The following ZNF276 variants were observed in gnomAD, a reference collection of about 807,000 sequenced individuals.
ZNF276 encodes the protein centromere protein Z.
Under a neutral mutation model 63.9 loss-of-function variants are expected in ZNF276, and 59 were observed. The ratio of observed to expected loss-of-function variants is 0.92; its 90% confidence interval spans 0.75 to 1.15. The LOEUF (loss-of-function observed/expected upper bound fraction) is 1.15. Among genes scored for constraint, ZNF276 ranks in the 50% most tolerant of loss-of-function variants. ZNF276 has a pLI of 0.00. For synonymous variants in ZNF276, 496 were observed against 348.4 expected, an observed-to-expected ratio of 1.42 and a Z score of -4.72; for missense variants, 1,084 against 843.8, an observed-to-expected ratio of 1.28 and a Z score of -3.53.
In ZNF276 at chr16:89,723,601, A is replaced by G. The variant is rs774893266; in HGVS notation, c.898A>G (p.Lys300Glu). Residue 300 changes from lysine (K) to glutamate (E), a missense_variant, in exon 4 of 11, where the codon AAG (lysine) becomes GAG (glutamate). Physicochemically the swap from Lys to Glu is moderately conservative, Grantham distance 56. Transcript: ENST00000443381. ...GTGTPVGAET[K>E]TLPSTDVAQP... ...AGGGACCCCAGTTGGGGCTGAGACC[A>G]AGACCCTGCCCAGCACGGATGTGGC... 4.3e-6 allele frequency: 7 copies of G among 1,612,676 alleles called. No homozygotes were observed.
chr16:89,731,491 G>T (rs2061649430), intron 6 of ZNF276: 1 of 152,290 alleles, frequency 6.6e-6, no homozygotes, highest in African/African-American at 2.4e-5. Flanking sequence ...CTGACCTCAT[G>T]ATCCGCCCGC....
chr16:89,728,532 C>T (rs566532994), intron 5 of ZNF276, among the ~76,000 whole-genome samples: 5 of 152,210 alleles, frequency 3.3e-5, no homozygotes, highest in East Asian at 1.9e-4. Context: ...GCCTCTGAGT[C>T]GCTGGGACTA....
At position 89,739,863 on chromosome 16, in the gene ZNF276, G is replaced by C. The variant is rs1434504143; in HGVS notation, c.*1617G>C. 2 of 1,539,644 alleles carry C rather than the reference G, an allele frequency of 1.3e-6. No individual in the cohort carries two copies. The highest frequency in any genetic ancestry group is 1.7e-6 in the Non-Finnish European group (2 of 1,145,750). ...CTTTAAACAAGTTTGTGCTTAATCT[G>C]TCCCAACTAAAATGGAGCTTATAAA... On this transcript the variant is annotated 3_prime_UTR_variant, in exon 11 of 11. Transcript: ENST00000443381.
rs201773237 is a variant in ZNF276 at position 89,724,856 on chromosome 16, GTCTC to G, written c.1006+1153_1006+1156del. Among the ~76,000 whole-genome samples the G allele has an allele frequency of 8.7e-3, 1,322 of 152,144 alleles. 23 individuals carry two copies. Among genetic ancestry groups the G allele is most frequent in the African/African-American group, 0.028 (1,158 of 41,500 alleles). ...TACCTATCTATCTTCCTACTTCTTT[GTCTC>G]TCTCTATCTACCTACCTATCTGTAT... On this transcript the variant is annotated intron_variant, in intron 4 of 10. Coordinates refer to ENST00000443381, the MANE Select transcript of ZNF276 (RefSeq NM_001113525.2).
chr16:89,726,830 G>C (rs756329104), intron 4 of ZNF276, among the ~76,000 whole-genome samples: 1 of 151,462 alleles, frequency 6.6e-6, no homozygotes, highest in Non-Finnish European at 1.5e-5. Context: ...ATTTTTAATA[G>C]AGATGGGGTT....
At chr16:89,724,867 TCTAC>T (rs1306272377) in intron 4 of ZNF276, among the ~76,000 whole-genome samples, 16 of 152,198 alleles carry the variant, frequency 1.1e-4, no homozygotes, top group East Asian at 1.9e-4. Context: ...TCTCTCTCTA[TCTAC>T]CTACCTATCT....
intron 10 of ZNF276, 21 bp downstream of exon 10, chr16:89,737,926 CCT>C (rs201727980): frequency 1.3e-5 from 21 of 1,571,132 alleles, no homozygotes; most frequent in African/African-American, 6.9e-5. Context: ...GTCAGGACCC[CCT>C]CCCAGGGCTG....
At chr16:89,721,534 C>G (rs909327962), upstream of ZNF276, 24 of 1,191,104 alleles carry the variant, frequency 2.0e-5, no homozygotes, top group African/African-American at 3.5e-4. Context: ...CCGCCCCTCC[C>G]CCGCCCCGCC....
rs754732247 is a variant in ZNF276, at chr16:89,738,599, C to T, written c.*353C>T. On this transcript the variant is annotated 3_prime_UTR_variant, in exon 11 of 11. Transcript: ENST00000443381. ...TGGGCTGGTGTGCAGTGGCAGGTCC[C>T]GTCAGAAGAGATGAGGCTCCTGGGA... 1.4e-5 allele frequency: 22 copies of T among 1,613,020 alleles called. No homozygotes were observed. Among genetic ancestry groups the T allele is most frequent in the African/African-American group, 1.2e-4 (9 of 74,984 alleles).
In ZNF276 at chr16:89,729,293, T is replaced by C; in HGVS notation, c.1144T>C (p.Ser382Pro). Residue 382 changes from serine (S) to proline (P), a missense_variant, in exon 6 of 11, where the codon TCC becomes CCC. Transcript: ENST00000443381. Reference sequence around the variant, plus strand: ...GCAAAATGCCCAGTCTTCGGACGAGTCCTTTGAGCCTTACCCAGAAAGGAA... The same window carrying C: ...GCAAAATGCCCAGTCTTCGGACGAGCCCTTTGAGCCTTACCCAGAAAGGAA... ...KKQNAQSSDE[S>P]FEPYPERKVS... 6.2e-7 allele frequency: 1 copy of C among 1,613,850 alleles called. No individual in the cohort carries two copies.
At chr16:89,737,428 C>G (rs17227459) in intron 9 of ZNF276, 8,793 of 248,798 alleles carry the variant, frequency 0.035, 441 homozygotes, top group African/African-American at 0.13. Flanking sequence ...GGCTGAGGCA[C>G]AAGAATCGCT....
chr16:89,737,735 CAT>C (rs1269280347), intron 9 of ZNF276, 69 bp from the exon 10 acceptor site: 7 of 1,604,058 alleles, frequency 4.4e-6, no homozygotes, highest in Non-Finnish European at 6.0e-6. Flanking sequence ...GATGGTTTCA[CAT>C]TGTCATCGTC....
chr16:89,722,093 G>A (rs1253992185), intron 1 of ZNF276, among the ~76,000 whole-genome samples: 1 of 152,156 alleles, frequency 6.6e-6, no homozygotes, highest in Non-Finnish European at 1.5e-5. Flanking sequence ...CGTGAGGAGC[G>A]CTGTCACCGC....
At chr16:89,737,100 G>T (rs1047930154) in intron 9 of ZNF276, among the ~76,000 whole-genome samples, 3 of 152,242 alleles carry the variant, frequency 2.0e-5, no homozygotes, top group Admixed American at 2.0e-4. Context: ...AAGATTTCCA[G>T]AGCCAGTACA....
At chr16:89,725,809 C>G (rs902404022) in intron 4 of ZNF276, among the ~76,000 whole-genome samples, 1 of 152,036 alleles carries the variant, frequency 6.6e-6, no homozygotes, top group Non-Finnish European at 1.5e-5. Flanking sequence ...AAAAACAAAA[C>G]AAAGAAAACT....
At chr16:89,733,735 C>CT (rs2061753416) in intron 8 of ZNF276, among the ~76,000 whole-genome samples, 178 bp downstream of exon 8, 1 of 151,966 alleles carries the variant, frequency 6.6e-6, no homozygotes, top group African/African-American at 2.4e-5. Context: ...TGAGGCCAGA[C>CT]TTTCACTTGA....
rs771396681 is a variant in ZNF276 at position 89,723,593 on chromosome 16, C to T, written c.890C>T (p.Ala297Val). The change falls in exon 4 of 11, where the codon GCT (alanine) becomes GTT (valine). Residue 297 changes from alanine (A) to valine (V), a missense_variant. Physicochemically the swap from Ala to Val is moderately conservative, Grantham distance 64. Transcript: ENST00000443381. ...QGRGTGTPVG[A>V]ETKTLPSTDV... Reference sequence around the variant, plus strand: ...AGAGGGACAGGGACCCCAGTTGGGGCTGAGACCAAGACCCTGCCCAGCACG... The same window carrying T: ...AGAGGGACAGGGACCCCAGTTGGGGTTGAGACCAAGACCCTGCCCAGCACG... 5 of 1,612,826 alleles carry T rather than the reference C, an allele frequency of 3.1e-6. No homozygotes were observed. The South Asian group carries it at 5.5e-5, about 18-fold the overall frequency.
At chr16:89,733,703 G>T in intron 8 of ZNF276, 146 bp downstream of exon 8, 3 of 1,003,170 alleles carry the variant, frequency 3.0e-6, no homozygotes, top group Non-Finnish European at 3.0e-6. Context: ...GTCCTAGCCA[G>T]TGCCATCCTT....
chr16:89,738,637 A>C lies in ZNF276; in HGVS notation c.*391A>C, dbSNP rs149531696. Reference sequence around the variant, plus strand: ...GAGGCTCCTGGGACAGGTCAGCGTCAGGGGCAGCCTGCTGTCTGCTCTGGA... The same window carrying C: ...GAGGCTCCTGGGACAGGTCAGCGTCCGGGGCAGCCTGCTGTCTGCTCTGGA... On this transcript the variant is annotated 3_prime_UTR_variant, in exon 11 of 11. Coordinates refer to ENST00000443381, the MANE Select transcript of ZNF276 (RefSeq NM_001113525.2). 7.3e-4 allele frequency: 1,174 copies of C among 1,613,620 alleles called. 5 individuals carry two copies. Among genetic ancestry groups the C allele is most frequent in the Middle Eastern group, 4.1e-3 (24 of 5,868 alleles).
Sources: allele counts gnomAD v4.1 joint callset (sites outside exome capture counted in the v4.1 genomes callset), GRCh38; gene constraint gnomAD v4.1.1; transcripts MANE v1.5; gene names NCBI Gene and HGNC (gene_info 2026-07-23, HGNC 2026-07-21).